NDFIP2: variants seen among roughly 807,000 people sequenced by gnomAD.
NDFIP2 encodes NEDD4 family-interacting protein 2.
NDFIP2 carries 19 observed loss-of-function variants against 36.0 expected under a neutral mutation model. That is an observed-to-expected ratio of 0.53 (90% CI 0.37 to 0.77). The LOEUF (loss-of-function observed/expected upper bound fraction) is 0.77. Ranked by LOEUF, NDFIP2 falls within the 30% of genes least tolerant of loss-of-function variation. NDFIP2 has a pLI of 0.00. For synonymous variants in NDFIP2, 181 were observed against 167.7 expected (o/e 1.08, Z -0.61); for missense variants, 446 against 435.8 (o/e 1.02, Z -0.21).
intron 2 of NDFIP2, among the ~76,000 whole-genome samples, 167 bp downstream of exon 2, chr13:79,521,142 CAT>C (rs1173276572): frequency 9.9e-5 from 15 of 151,710 alleles, no homozygotes; most frequent in South Asian, 2.1e-4. Flanking sequence ...TGTATACACA[CAT>C]ATATATGTGT....
chr13:79,520,251 G>C (rs1391321350), intron 1 of NDFIP2, among the ~76,000 whole-genome samples: 2 of 152,186 alleles, frequency 1.3e-5, no homozygotes, highest in Admixed American at 6.5e-5. Flanking sequence ...CTCATAAGTA[G>C]GAAGAGATGG....
At chr13:79,517,802 T>G (rs2137082323) in intron 1 of NDFIP2, among the ~76,000 whole-genome samples, 1 of 152,362 alleles carries the variant, frequency 6.6e-6, no homozygotes, top group East Asian at 1.9e-4. Flanking sequence ...TTGACAGTTT[T>G]TGAAAGTAAG....
At chr13:79,504,341 A>G (rs1049062519) in intron 1 of NDFIP2, among the ~76,000 whole-genome samples, 1 of 152,114 alleles carries the variant, frequency 6.6e-6, no homozygotes, top group African/African-American at 2.4e-5. Context: ...CTTTACCTGT[A>G]TTTGTATATA....
At chr13:79,525,964 A>G (rs1318923629) in intron 2 of NDFIP2, among the ~76,000 whole-genome samples, 1 of 152,178 alleles carries the variant, frequency 6.6e-6, no homozygotes, top group Admixed American at 6.5e-5. Flanking sequence ...CCATGTTCTA[A>G]TCTCTTCTGG....
chr13:79,505,494 A>G (rs371721914), intron 1 of NDFIP2, among the ~76,000 whole-genome samples: 19 of 152,002 alleles, frequency 1.2e-4, no homozygotes, highest in East Asian at 5.8e-4. Context: ...TTGACCAGAT[A>G]TGATGGTGCC....
intron 2 of NDFIP2, among the ~76,000 whole-genome samples, 164 bp from the exon 3 acceptor site, chr13:79,533,159 T>C (rs1454465891): frequency 6.6e-6 from 1 of 152,196 alleles, no homozygotes; most frequent in Non-Finnish European, 1.5e-5. Flanking sequence ...TAAAGTAAGA[T>C]ATATGATTGT....
intron 1 of NDFIP2, among the ~76,000 whole-genome samples, chr13:79,517,482 GCAGT>G (rs1874396443): frequency 6.6e-6 from 1 of 152,148 alleles, no homozygotes; most frequent in South Asian, 2.1e-4. Flanking sequence ...TGTTTAAAAG[GCAGT>G]CAAAGTTGGT....
At chr13:79,522,803 A>G (rs1368952063) in intron 2 of NDFIP2, among the ~76,000 whole-genome samples, 3 of 152,194 alleles carry the variant, frequency 2.0e-5, no homozygotes, top group African/African-American at 4.8e-5. Flanking sequence ...TGGAAGCTCT[A>G]TCACCTGTTA....
chr13:79,484,242 T>C (rs2079830546), intron 1 of NDFIP2, among the ~76,000 whole-genome samples: 2 of 152,082 alleles, frequency 1.3e-5, no homozygotes, highest in African/African-American at 4.8e-5. Context: ...CTCGAACTCC[T>C]GACCTCAAAT....
intron 1 of NDFIP2, among the ~76,000 whole-genome samples, chr13:79,487,490 T>C (rs923458295): frequency 1.3e-5 from 2 of 152,232 alleles, no homozygotes; most frequent in African/African-American, 4.8e-5. Context: ...TACAAATCTT[T>C]CTGTAAAGCT....
chr13:79,484,310 C>A (rs765631719), intron 1 of NDFIP2, among the ~76,000 whole-genome samples: 1 of 152,116 alleles, frequency 6.6e-6, no homozygotes, highest in African/African-American at 2.4e-5. Context: ...CCACAGAGCC[C>A]GGCCAAAGTT....
At chr13:79,552,175 G>A (rs930007963) in intron 7 of NDFIP2, among the ~76,000 whole-genome samples, 9 of 151,186 alleles carry the variant, frequency 6.0e-5, no homozygotes, top group African/African-American at 2.2e-4. Flanking sequence ...CAAAGAAGTC[G>A]CTTTTTTATT....
chr13:79,509,686 T>TAGAGAGAGAGAGAG (rs145822478), intron 1 of NDFIP2, among the ~76,000 whole-genome samples: 9 of 110,896 alleles, frequency 8.1e-5, no homozygotes, highest in Non-Finnish European at 1.5e-4. Context: ...GATATATATA[T>TAGAGAGAGAGAGAG]ATATAGAGAG....
intron 1 of NDFIP2, among the ~76,000 whole-genome samples, chr13:79,513,886 G>T (rs1325675801): frequency 1.3e-5 from 2 of 152,044 alleles, no homozygotes; most frequent in African/African-American, 4.8e-5. Flanking sequence ...TGTTTTTGTT[G>T]ATATTTTGTA....
chr13:79,488,659 A>G (rs1306341135), intron 1 of NDFIP2, among the ~76,000 whole-genome samples: 1 of 152,220 alleles, frequency 6.6e-6, no homozygotes, highest in East Asian at 1.9e-4. Flanking sequence ...TAACTCATTC[A>G]TCTGATATAT....
At position 79,522,166 on chromosome 13, in the gene NDFIP2, A is replaced by G. The variant is rs115444598; in HGVS notation, c.487+1191A>G. On this transcript the variant is annotated intron_variant, in intron 2 of 7. Coordinates refer to ENST00000218652, the MANE Select transcript of NDFIP2 (RefSeq NM_019080.3). ...TGTATAAAATGTTTATTTGATGATT[A>G]TGCTTGCTCATTGCCCAGTTTTATG... 7.5e-3 allele frequency among the ~76,000 whole-genome samples: 1,135 copies of G among 152,260 alleles called. 15 individuals are homozygous for G. The highest frequency in any genetic ancestry group is 0.026 in the African/African-American group (1,074 of 41,552).
At chr13:79,509,027 A>G (rs1437388091) in intron 1 of NDFIP2, among the ~76,000 whole-genome samples, 1 of 151,918 alleles carries the variant, frequency 6.6e-6, no homozygotes, top group Non-Finnish European at 1.5e-5. Flanking sequence ...ATTATTCTAG[A>G]GTTAGCATTT....
intron 1 of NDFIP2, among the ~76,000 whole-genome samples, chr13:79,481,915 C>A (rs2079815925): frequency 6.6e-6 from 1 of 152,108 alleles, no homozygotes; most frequent in Non-Finnish European, 1.5e-5. Context: ...CTTCACATAC[C>A]TGCCCGGAAG....
chr13:79,531,984 T>C (rs1034262136), intron 2 of NDFIP2, among the ~76,000 whole-genome samples: 2 of 152,244 alleles, frequency 1.3e-5, no homozygotes, highest in African/African-American at 4.8e-5. Context: ...TGATTGTTTC[T>C]AGCTTTTGAA....
Sources: gnomAD v4.1 joint callset for allele counts (sites outside exome capture counted in the v4.1 genomes callset) on GRCh38, gnomAD v4.1.1 for gene constraint, MANE v1.5 for transcripts, NCBI Gene and HGNC (gene_info 2026-07-23, HGNC 2026-07-21) for gene names.